The following FKTN variants were observed in gnomAD, a reference collection of about 807,000 sequenced individuals.
FKTN encodes the protein fukutin.
Under a neutral mutation model 58.6 loss-of-function variants are expected in FKTN, and 47 were observed. The ratio of observed to expected loss-of-function variants is 0.80; its 90% CI spans 0.63 to 1.02. FKTN has a LOEUF of 1.02. FKTN is among the 50% of genes least tolerant of loss of function. The pLI is 0.00. For synonymous variants in FKTN, 178 were observed against 191.9 expected, an observed-to-expected ratio of 0.93 and a Z score of 0.60; for missense variants, 516 against 537.3, an observed-to-expected ratio of 0.96 and a Z score of 0.39.
chr9:105,597,447 A>T (rs913294556), intron 4 of FKTN, among the ~76,000 whole-genome samples: 1 of 152,134 alleles, frequency 6.6e-6, no homozygotes, highest in African/African-American at 2.4e-5. Context: ...TCTAGTCTAT[A>T]AGTGTCAATG....
At chr9:105,589,862 G>T (rs1477609010) in intron 3 of FKTN, among the ~76,000 whole-genome samples, 1 of 152,174 alleles carries the variant, frequency 6.6e-6, no homozygotes, top group Non-Finnish European at 1.5e-5. Flanking sequence ...GAATATGTCT[G>T]TCAGTTTTGA....
intron 1 of FKTN, among the ~76,000 whole-genome samples, chr9:105,570,209 A>G (rs1464105079): frequency 6.6e-6 from 1 of 152,072 alleles, no homozygotes; most frequent in Non-Finnish European, 1.5e-5. Context: ...AGTTTTATTT[A>G]AATAGTTTTC....
At chr9:105,565,937 A>G (rs997803635) in intron 1 of FKTN, among the ~76,000 whole-genome samples, 2 of 152,212 alleles carry the variant, frequency 1.3e-5, no homozygotes, top group Non-Finnish European at 2.9e-5. Flanking sequence ...AACAGAAATT[A>G]TAACAAACTG....
intron 1 of FKTN, among the ~76,000 whole-genome samples, chr9:105,562,999 A>G (rs115792473): frequency 0.012 from 1,861 of 152,248 alleles, 54 homozygotes; most frequent in African/African-American, 0.043. Flanking sequence ...CTCTTGATAT[A>G]TCATTCATTC....
At position 105,615,319 on chromosome 9, in the gene FKTN, G is replaced by T. The variant is rs997235832; in HGVS notation, c.822G>T (p.Arg274=). 24 of 1,613,818 alleles carry T rather than the reference G, an allele frequency of 1.5e-5. No homozygotes were observed. The highest frequency in any genetic ancestry group is 1.9e-5 in the Non-Finnish European group (23 of 1,179,780). ...ACACTGTGGAAGCTGTGGCCTTTCG[G>T]AAGAGTGCAAAGGAATTACTGCAAC... ...DDNTVEAVAF[R]KSAKELLQLA... Residue 274 remains arginine (R), a synonymous_variant, in exon 8 of 11, where the codon CGG becomes CGT. Coordinates refer to ENST00000357998, the MANE Select transcript of FKTN (RefSeq NM_001079802.2).
intron 3 of FKTN, among the ~76,000 whole-genome samples, chr9:105,587,423 T>C (rs1400834820): frequency 1.3e-5 from 2 of 152,240 alleles, no homozygotes; most frequent in East Asian, 3.8e-4. Context: ...ATTTAGATCA[T>C]GTGCAACAAA....
intron 9 of FKTN, among the ~76,000 whole-genome samples, chr9:105,619,386 T>TCCA (rs1309561997): frequency 2.6e-5 from 4 of 152,308 alleles, no homozygotes; most frequent in Admixed American, 2.6e-4. Flanking sequence ...TAATTATTTG[T>TCCA]ATGATAAGTT....
chr9:105,567,023 A>G (rs1369670340), intron 1 of FKTN, among the ~76,000 whole-genome samples: 1 of 152,230 alleles, frequency 6.6e-6, no homozygotes, highest in Non-Finnish European at 1.5e-5. Flanking sequence ...TCCAACATAT[A>G]AACAGAACCA....
rs1834056832 is a variant in FKTN at position 105,636,610 on chromosome 9, TGTAA to T, written c.*1349_*1352del. ...CTCTTATATCACTTGAATGATATAT[TGTAA>T]GTGAGAGGTAAAGGAAAATGTAGGC... On this transcript the variant is annotated 3_prime_UTR_variant, in exon 11 of 11. Coordinates refer to ENST00000357998, the MANE Select transcript of FKTN (RefSeq NM_001079802.2). 2.6e-6 allele frequency: 3 copies of T among 1,175,570 alleles called. No individual in the cohort carries two copies. Among genetic ancestry groups the T allele is most frequent in the Non-Finnish European group, 3.3e-6 (3 of 914,288 alleles). The allele number at this position is 1,175,570 out of a possible 1,614,324, so 72.8% of individuals were successfully genotyped here.
chr9:105,600,730 C>G lies in FKTN; in HGVS notation c.166-415C>G, dbSNP rs546079065. On this transcript the variant is annotated intron_variant, in intron 4 of 10. Transcript: ENST00000357998. ...GATTAACAAGACTGATTTTTAAAAGCTGACGGATAGTTCTCTCAATTTTGC... is the reference window on the plus strand; with the variant it reads ...GATTAACAAGACTGATTTTTAAAAGGTGACGGATAGTTCTCTCAATTTTGC... 2.6e-5 allele frequency among the ~76,000 whole-genome samples: 4 copies of G among 152,212 alleles called. No homozygotes were observed. In the South Asian group the frequency reaches 6.2e-4, roughly 24 times the overall value.
At chr9:105,586,321 A>G (rs1843896755) in intron 3 of FKTN, among the ~76,000 whole-genome samples, 1 of 152,212 alleles carries the variant, frequency 6.6e-6, no homozygotes, top group Admixed American at 6.5e-5. Context: ...TCTTGGATAT[A>G]CAAACTCCTT....
At chr9:105,572,079 C>A (rs1478756824) in intron 1 of FKTN, among the ~76,000 whole-genome samples, 2 of 152,238 alleles carry the variant, frequency 1.3e-5, no homozygotes, top group South Asian at 4.2e-4. Context: ...CTAATACCAT[C>A]ATCAATGTTG....
intron 7 of FKTN, among the ~76,000 whole-genome samples, chr9:105,612,626 C>G (rs906164356): frequency 6.6e-6 from 1 of 152,100 alleles, no homozygotes. Context: ...GTATATAGCT[C>G]TATGCATGTA....
At position 105,639,316 on chromosome 9, in the gene FKTN, A is replaced by T. The variant is rs1834266890; in HGVS notation, c.*4052A>T. 1 of 980,328 alleles carries T rather than the reference A, an allele frequency of 1.0e-6. No homozygotes were observed. The highest frequency in any genetic ancestry group is 1.2e-6 in the Non-Finnish European group (1 of 825,432). 60.7% of individuals were successfully genotyped at this position (980,328 alleles called of 1,614,324 possible). A position where few individuals can be genotyped will look rare whatever the true frequency, so the allele number is the denominator to read the frequency against. On this transcript the variant is annotated 3_prime_UTR_variant, in exon 11 of 11. Coordinates refer to ENST00000357998, the MANE Select transcript of FKTN (RefSeq NM_001079802.2). ...TCTAACATCTCACTCAGGGAAGGCA[A>T]TGTGTTGCCATAAAAAGACCACAAG...
rs780364768 is a variant in FKTN, at chr9:105,638,495, C to G, written c.*3231C>G. On this transcript the variant is annotated 3_prime_UTR_variant, in exon 11 of 11. Transcript: ENST00000357998. The stretch of plus-strand genomic sequence containing the variant: ...AAGCTCAAGATGCATCCCATTGCCA[C>G]TTTACCATTCTATTTCCCAAGGGAA... 14 of 985,380 alleles carry G rather than the reference C, an allele frequency of 1.4e-5. No homozygotes were observed. The highest frequency in any genetic ancestry group is 1.3e-5 in the Non-Finnish European group (11 of 829,900). The allele number at this position is 985,380 out of a possible 1,614,324, so 61.0% of individuals were successfully genotyped here.
In FKTN at chr9:105,636,346, T is replaced by A; in HGVS notation, c.*1082T>A. 1.0e-6 allele frequency: 1 copy of A among 982,470 alleles called. No homozygotes were observed. The highest frequency in any genetic ancestry group is 1.2e-6 in the Non-Finnish European group (1 of 827,124). The allele number at this position is 982,470 out of a possible 1,614,324, so 60.9% of individuals were successfully genotyped here. ...TAAACCTGCCTGTTTCTTCTCCTCT[T>A]CTAATATATCAGATCTCCAAAATGG... On this transcript the variant is annotated 3_prime_UTR_variant, in exon 11 of 11. Transcript: ENST00000357998.
At chr9:105,562,655 A>G (rs1477109483) in intron 1 of FKTN, among the ~76,000 whole-genome samples, 2 of 152,236 alleles carry the variant, frequency 1.3e-5, no homozygotes, top group African/African-American at 4.8e-5. Context: ...AAAGGTTACT[A>G]TCATCCTTGC....
chr9:105,564,359 G>T (rs1838947514), intron 1 of FKTN, among the ~76,000 whole-genome samples: 1 of 152,202 alleles, frequency 6.6e-6, no homozygotes, highest in African/African-American at 2.4e-5. Flanking sequence ...CGAGCTAAAG[G>T]AGGAAGTTCA....
At chr9:105,583,791 A>G (rs1843435040) in intron 3 of FKTN, among the ~76,000 whole-genome samples, 1 of 152,186 alleles carries the variant, frequency 6.6e-6, no homozygotes, top group South Asian at 2.1e-4. Context: ...GGAATATTTA[A>G]CTGTATTTTT....
Sources: allele counts gnomAD v4.1 joint callset (sites outside exome capture counted in the v4.1 genomes callset), GRCh38; gene constraint gnomAD v4.1.1; transcripts MANE v1.5; gene names NCBI Gene and HGNC (gene_info 2026-07-23, HGNC 2026-07-21).